ETV5: variants seen among roughly 807,000 people sequenced by gnomAD.
The protein encoded by ETV5 is ETS translocation variant 5.
Under a neutral mutation model 70.0 loss-of-function variants are expected in ETV5, and 10 were observed. The observed-to-expected ratio is 0.14, with a 90% CI of 0.09 to 0.24. The LOEUF (loss-of-function observed/expected upper bound fraction) is 0.24. Among genes scored for constraint, ETV5 ranks in the 10% least tolerant of loss-of-function variants. ETV5 has a pLI of 1.00. For synonymous variants in ETV5, 216 were observed against 242.2 expected, an observed-to-expected ratio of 0.89 and a Z score of 1.01; for missense variants, 453 against 651.2, an observed-to-expected ratio of 0.70 and a Z score of 3.31.
chr3:186,067,469 A>G (rs1312320161), intron 7 of ETV5, among the ~76,000 whole-genome samples: 2 of 152,076 alleles, frequency 1.3e-5, no homozygotes, highest in Non-Finnish European at 2.9e-5. Flanking sequence ...AAAATTAGCC[A>G]GGCGTGGTTT....
At chr3:186,065,709 C>G (rs2150144695) in intron 8 of ETV5, 104 bp downstream of exon 8, 9 of 1,370,606 alleles carry the variant, frequency 6.6e-6, no homozygotes, top group African/African-American at 5.9e-5. Flanking sequence ...ATAAAAAATT[C>G]TTATAAAAAT....
chr3:186,048,892 G>A, intron 12 of ETV5, 32 bp from the exon 13 acceptor site: 3 of 1,571,078 alleles, frequency 1.9e-6, no homozygotes, highest in Non-Finnish European at 1.7e-6. Flanking sequence ...ACAGGGCCCA[G>A]TTGGAACAGG....
intron 7 of ETV5, among the ~76,000 whole-genome samples, chr3:186,072,002 G>A (rs1399711886): frequency 3.3e-5 from 5 of 150,774 alleles, no homozygotes; most frequent in Non-Finnish European, 7.4e-5. Context: ...GTTTCACCAC[G>A]TTGGCCAGGC....
chr3:186,062,257 G>A (rs776466642), intron 9 of ETV5, among the ~76,000 whole-genome samples: 5 of 152,220 alleles, frequency 3.3e-5, no homozygotes, highest in African/African-American at 7.2e-5. Flanking sequence ...GGGCTCTGGA[G>A]CCACAGGGCT....
intron 5 of ETV5, among the ~76,000 whole-genome samples, chr3:186,096,746 T>C (rs1452818882): frequency 6.6e-6 from 1 of 152,206 alleles, no homozygotes; most frequent in Non-Finnish European, 1.5e-5. Flanking sequence ...CTCTGGATCA[T>C]TACTATTAAG....
At chr3:186,082,289 A>G (rs1472975528) in intron 5 of ETV5, among the ~76,000 whole-genome samples, 3 of 152,218 alleles carry the variant, frequency 2.0e-5, no homozygotes. Flanking sequence ...GGTCTCATTA[A>G]ATAGCTAACT....
At chr3:186,049,721 CT>C in intron 12 of ETV5, among the ~76,000 whole-genome samples, 1 of 152,296 alleles carries the variant, frequency 6.6e-6, no homozygotes, top group East Asian at 1.9e-4. Flanking sequence ...ATTCTAAAAT[CT>C]TTTTTTAATT....
intron 5 of ETV5, among the ~76,000 whole-genome samples, chr3:186,091,931 T>A (rs965650225): frequency 6.6e-6 from 1 of 152,044 alleles, no homozygotes; most frequent in East Asian, 1.9e-4. Flanking sequence ...CTTGCCACAG[T>A]GGGAAAGGAA....
At chr3:186,078,323 T>C (rs1265268536) in intron 7 of ETV5, 2 of 415,824 alleles carry the variant, frequency 4.8e-6, no homozygotes, top group Non-Finnish European at 7.0e-6. Flanking sequence ...ATACTGAATA[T>C]ATACTCGACC....
intron 7 of ETV5, among the ~76,000 whole-genome samples, chr3:186,070,179 T>G (rs1159893802): frequency 6.6e-6 from 1 of 152,212 alleles, no homozygotes; most frequent in Non-Finnish European, 1.5e-5. Context: ...GGAATGGTAG[T>G]AACGCCTTCC....
At chr3:186,107,832 C>G (rs1714627732) in intron 1 of ETV5, among the ~76,000 whole-genome samples, 1 of 152,042 alleles carries the variant, frequency 6.6e-6, no homozygotes, top group Non-Finnish European at 1.5e-5. Context: ...GCGCTGGGCC[C>G]CATTCACAAA....
intron 9 of ETV5, among the ~76,000 whole-genome samples, chr3:186,060,526 A>C (rs573086672): frequency 6.6e-6 from 1 of 152,348 alleles, no homozygotes; most frequent in East Asian, 1.9e-4. Flanking sequence ...AACATTATGC[A>C]AGGACTCCAG....
chr3:186,068,286 G>C (rs778405907), intron 7 of ETV5, among the ~76,000 whole-genome samples: 3 of 152,122 alleles, frequency 2.0e-5, no homozygotes, highest in African/African-American at 4.8e-5. Flanking sequence ...AGGTATTTTT[G>C]ACATATTAAG....
rs1168767230 is a variant in ETV5, at chr3:186,107,025, TC to T, written c.-74-1084del. On this transcript the variant is annotated intron_variant, in intron 1 of 12. Transcript: ENST00000306376. ...TACACAATTTTAAACAGGAAACTTT[TC>T]CCCCGGTGAGCAATTCCATCCAATT... 2.2e-5 allele frequency: 19 copies of T among 844,922 alleles called. 1 individual carries two copies. Among genetic ancestry groups the T allele is most frequent in the Non-Finnish European group, 2.1e-5 (15 of 701,816 alleles). The allele number at this position is 844,922 out of a possible 1,614,324, so 52.3% of individuals were successfully genotyped here. A position where few individuals can be genotyped will look rare whatever the true frequency, so the allele number is the denominator to read the frequency against.
chr3:186,087,657 T>C (rs1235979206), intron 5 of ETV5, among the ~76,000 whole-genome samples: 1 of 152,034 alleles, frequency 6.6e-6, no homozygotes. Flanking sequence ...TCAAGAGAAA[T>C]AATAATTCCC....
intron 9 of ETV5, 63 bp downstream of exon 9, chr3:186,064,354 G>T: frequency 6.7e-7 from 1 of 1,490,150 alleles, no homozygotes; most frequent in South Asian, 1.1e-5. Flanking sequence ...GAAAAGCCGA[G>T]AGAAAGAAAG....
chr3:186,101,262 T>C (rs1342234099), intron 5 of ETV5, among the ~76,000 whole-genome samples: 1 of 152,204 alleles, frequency 6.6e-6, no homozygotes, highest in African/African-American at 2.4e-5. Context: ...AGGTGTCTTC[T>C]AGGAAACATG....
intron 7 of ETV5, among the ~76,000 whole-genome samples, chr3:186,078,566 A>G (rs924156728): frequency 6.6e-6 from 1 of 152,210 alleles, no homozygotes; most frequent in Non-Finnish European, 1.5e-5. Context: ...TACATAAAAA[A>G]CCAAGTAACC....
At chr3:186,107,687 C>T (rs1025806346) in intron 1 of ETV5, among the ~76,000 whole-genome samples, 1 of 152,120 alleles carries the variant, frequency 6.6e-6, no homozygotes, top group East Asian at 1.9e-4. Context: ...GCCCCGGGCG[C>T]CCCCAGGAAA....
Sources: allele counts gnomAD v4.1 joint callset (sites outside exome capture counted in the v4.1 genomes callset), GRCh38; gene constraint gnomAD v4.1.1; transcripts MANE v1.5; gene names NCBI Gene and HGNC (gene_info 2026-07-23, HGNC 2026-07-21).